CNST: variants seen among roughly 807,000 people sequenced by gnomAD.
CNST encodes the protein consortin.
A neutral mutation model predicts 72.4 loss-of-function variants in CNST; 39 were observed. The ratio of observed to expected loss-of-function variants is 0.54; its 90% CI spans 0.42 to 0.70. The LOEUF (loss-of-function observed/expected upper bound fraction) is 0.70. CNST is among the 30% of genes least tolerant of loss of function. The probability of loss-of-function intolerance (pLI) is 0.00; values close to 1 mark genes in which losing one functional copy is unlikely to be tolerated. For missense variants in CNST, 871 were observed against 868.5 expected (o/e 1.00, Z -0.04); for synonymous variants, 332 against 320.1 (o/e 1.04, Z -0.40).
In CNST at chr1:246,667,579, CCTTATA is replaced by C. The variant is rs1445584673; in HGVS notation, c.*1679_*1684del. On this transcript the variant is annotated 3_prime_UTR_variant, in exon 11 of 11. Transcript: ENST00000366513. ...TGTACAAGATAATGAAATTTAGATT[CCTTATA>C]CTTAAGGCTGATTTTATTAGAAGAT... The C allele has an allele frequency of 1.3e-5, 2 of 152,004 alleles. No individual in the cohort carries two copies. The highest frequency in any genetic ancestry group is 2.9e-5 in the Non-Finnish European group (2 of 67,996). 9.4% of individuals were successfully genotyped at this position (152,004 alleles called of 1,614,324 possible). A position where few individuals can be genotyped will look rare whatever the true frequency, so the allele number is the denominator to read the frequency against.
At chr1:246,619,065 T>A (rs1663878456) in intron 2 of CNST, among the ~76,000 whole-genome samples, 1 of 151,718 alleles carries the variant, frequency 6.6e-6, no homozygotes, top group Non-Finnish European at 1.5e-5. Context: ...AATAATGTCA[T>A]CAACAGAAGA....
intron 2 of CNST, among the ~76,000 whole-genome samples, chr1:246,600,668 C>A (rs1438976601): frequency 6.6e-6 from 1 of 152,100 alleles, no homozygotes; most frequent in East Asian, 1.9e-4. Context: ...ATTTATTGAG[C>A]ATAGGAATAC....
chr1:246,604,656 A>G (rs370398840), intron 2 of CNST, among the ~76,000 whole-genome samples: 15 of 151,484 alleles, frequency 9.9e-5, no homozygotes, highest in East Asian at 3.9e-4. Context: ...GAATATATAT[A>G]TATAATACTT....
intron 1 of CNST, among the ~76,000 whole-genome samples, chr1:246,578,467 C>G (rs1030530883): frequency 6.6e-6 from 1 of 151,912 alleles, no homozygotes; most frequent in Admixed American, 6.6e-5. Flanking sequence ...GGTAGGAGAT[C>G]GAGACCATCC....
chr1:246,657,684 G>C (rs1666844983), intron 9 of CNST, among the ~76,000 whole-genome samples: 1 of 152,124 alleles, frequency 6.6e-6, no homozygotes, highest in Non-Finnish European at 1.5e-5. Flanking sequence ...GACTTCCACA[G>C]CCAAACACCA....
At chr1:246,585,216 ACT>A (rs1661055675) in intron 1 of CNST, among the ~76,000 whole-genome samples, 1 of 151,886 alleles carries the variant, frequency 6.6e-6, no homozygotes, top group African/African-American at 2.4e-5. Context: ...CCTGCTCAAC[ACT>A]CTGCTCAGCT....
At chr1:246,601,172 G>A (rs1274911416) in intron 2 of CNST, among the ~76,000 whole-genome samples, 1 of 152,056 alleles carries the variant, frequency 6.6e-6, no homozygotes, top group Non-Finnish European at 1.5e-5. Context: ...AGGCGTGGTG[G>A]CATACATCTG....
chr1:246,636,123 C>CT (rs1320924749), intron 6 of CNST, among the ~76,000 whole-genome samples: 2 of 152,100 alleles, frequency 1.3e-5, no homozygotes, highest in South Asian at 2.1e-4. Context: ...AGTTCCAGGC[C>CT]TTTTTTGACA....
intron 2 of CNST, among the ~76,000 whole-genome samples, chr1:246,612,263 A>G (rs1349634293): frequency 6.6e-6 from 1 of 152,196 alleles, no homozygotes; most frequent in African/African-American, 2.4e-5. Context: ...GTGCAGTGGC[A>G]CAATCTTGGC....
At position 246,634,214 on chromosome 1, in the gene CNST, C is replaced by T. The variant is rs1457443270; in HGVS notation, c.703+204C>T. 2.0e-5 allele frequency: 11 copies of T among 559,542 alleles called. No homozygotes were observed. In the Admixed American group the frequency reaches 3.8e-4, roughly 20 times the overall value. The allele number at this position is 559,542 out of a possible 1,614,324, so 34.7% of individuals were successfully genotyped here. A position where few individuals can be genotyped will look rare whatever the true frequency, so the allele number is the denominator to read the frequency against. ...TTTCTTTGTATTTTGCTCTTCATAT[C>T]AATGCCAAGAAAAGAATACTTGCAA... is the stretch of plus-strand genomic sequence containing the variant. On this transcript the variant is annotated intron_variant, in intron 5 of 10. Transcript: ENST00000366513.
In CNST at chr1:246,607,154, G is replaced by C. The variant is rs1454862664; in HGVS notation, c.380-14275G>C. On this transcript the variant is annotated intron_variant, in intron 2 of 10. Transcript: ENST00000366513. ...CACGATGGGTTTTATCAGTCCACTTGCGGGATATGCACGCCGTCCCTCTTA... is the reference window on the plus strand; with the variant it reads ...CACGATGGGTTTTATCAGTCCACTTCCGGGATATGCACGCCGTCCCTCTTA... 3 of 152,030 alleles carry C rather than the reference G, an allele frequency of 2.0e-5. No individual in the cohort carries two copies. The East Asian group carries it at 5.8e-4, about 29-fold the overall frequency. 9.4% of individuals were successfully genotyped at this position (152,030 alleles called of 1,614,324 possible). A position where few individuals can be genotyped will look rare whatever the true frequency, so the allele number is the denominator to read the frequency against.
intron 2 of CNST, among the ~76,000 whole-genome samples, chr1:246,609,932 C>T (rs1663191375): frequency 6.6e-6 from 1 of 152,198 alleles, no homozygotes; most frequent in South Asian, 2.1e-4. Context: ...GTGCAACCAT[C>T]ATTTATATCT....
intron 9 of CNST, among the ~76,000 whole-genome samples, chr1:246,655,370 C>G (rs1187523274): frequency 1.3e-5 from 2 of 152,172 alleles, no homozygotes; most frequent in Non-Finnish European, 2.9e-5. Context: ...CCGCCGTGTT[C>G]TTTCTGGAAA....
intron 9 of CNST, among the ~76,000 whole-genome samples, chr1:246,652,943 G>T (rs1460309769): frequency 6.0e-5 from 9 of 151,190 alleles, no homozygotes; most frequent in African/African-American, 2.4e-5. Flanking sequence ...GGCGGAGCTT[G>T]CAGTGAGCCG....
At chr1:246,592,541 C>T (rs1051712959) in intron 2 of CNST, among the ~76,000 whole-genome samples, 1 of 152,150 alleles carries the variant, frequency 6.6e-6, no homozygotes, top group Non-Finnish European at 1.5e-5. Flanking sequence ...CATGTTTTCA[C>T]ATTAGGTACT....
intron 1 of CNST, among the ~76,000 whole-genome samples, chr1:246,572,905 T>G (rs1660153367): frequency 6.6e-6 from 1 of 152,148 alleles, no homozygotes; most frequent in South Asian, 2.1e-4. Flanking sequence ...ACTAACATTT[T>G]AGATTTTTTT....
chr1:246,585,571 G>A (rs1661086137), intron 1 of CNST, among the ~76,000 whole-genome samples: 2 of 149,768 alleles, frequency 1.3e-5, no homozygotes, highest in Non-Finnish European at 3.0e-5. Flanking sequence ...CACTTGAATC[G>A]GGAGGCAGAG....
chr1:246,586,145 A>G (rs1045933874), intron 1 of CNST, among the ~76,000 whole-genome samples: 7 of 116,740 alleles, frequency 6.0e-5, no homozygotes, highest in African/African-American at 1.8e-4. Flanking sequence ...GTGTGTGTAT[A>G]TATTACTGAT....
chr1:246,574,363 A>G (rs1051851960), intron 1 of CNST, among the ~76,000 whole-genome samples: 7 of 152,218 alleles, frequency 4.6e-5, no homozygotes, highest in Non-Finnish European at 8.8e-5. Flanking sequence ...TTTTAAAAAG[A>G]TAAATAAATT....
Sources: gnomAD v4.1 joint callset for allele counts (sites outside exome capture counted in the v4.1 genomes callset) on GRCh38, gnomAD v4.1.1 for gene constraint, MANE v1.5 for transcripts, NCBI Gene and HGNC (gene_info 2026-07-23, HGNC 2026-07-21) for gene names.